STK39: variants seen among roughly 807,000 people sequenced by gnomAD.
STK39 encodes serine/threonine kinase 39.
A neutral mutation model predicts 77.8 loss-of-function variants in STK39; 20 were observed. The observed-to-expected ratio is 0.26, with a 90% CI of 0.18 to 0.37. The LOEUF (loss-of-function observed/expected upper bound fraction) is 0.37. STK39 is among the 10% of genes least tolerant of loss of function. The probability of loss-of-function intolerance (pLI) is 1.00; values close to 1 mark genes in which losing one functional copy is unlikely to be tolerated. For synonymous variants in STK39, 246 were observed against 234.1 expected (o/e 1.05, Z -0.47); for missense variants, 479 against 656.5 (o/e 0.73, Z 2.95).
chr2:168,128,126 A>G (rs1467378810), intron 10 of STK39, among the ~76,000 whole-genome samples: 5 of 152,184 alleles, frequency 3.3e-5, no homozygotes, highest in Non-Finnish European at 7.4e-5. Context: ...AACACCTCTC[A>G]GGGACCAGCT....
At chr2:167,963,353 T>C (rs1332371133) in intron 17 of STK39, among the ~76,000 whole-genome samples, 1 of 152,130 alleles carries the variant, frequency 6.6e-6, no homozygotes, top group East Asian at 1.9e-4. Context: ...TCCTCTTTCA[T>C]AATAAAATGA....
chr2:168,232,856 G>A (rs552847265), intron 1 of STK39, among the ~76,000 whole-genome samples: 9 of 151,948 alleles, frequency 5.9e-5, no homozygotes, highest in African/African-American at 1.9e-4. Flanking sequence ...AGGTTGCAGC[G>A]AGCCGAGATC....
chr2:167,986,722 G>A (rs993267502), intron 16 of STK39, among the ~76,000 whole-genome samples: 1 of 152,156 alleles, frequency 6.6e-6, no homozygotes, highest in African/African-American at 2.4e-5. Context: ...GACAAGAAAG[G>A]AACACCGTGA....
At chr2:168,016,116 T>C (rs1684397294) in intron 15 of STK39, among the ~76,000 whole-genome samples, 1 of 152,024 alleles carries the variant, frequency 6.6e-6, no homozygotes, top group Admixed American at 6.6e-5. Flanking sequence ...TTAGTAGATA[T>C]GGGGTTTCAC....
intron 14 of STK39, among the ~76,000 whole-genome samples, chr2:168,026,197 G>A (rs571842570): frequency 1.3e-5 from 2 of 152,260 alleles, no homozygotes; most frequent in Non-Finnish European, 2.9e-5. Context: ...AAACTACAGG[G>A]AAAAACAATG....
At chr2:168,048,742 G>A (rs1685317000) in intron 14 of STK39, among the ~76,000 whole-genome samples, 1 of 152,058 alleles carries the variant, frequency 6.6e-6, no homozygotes, top group African/African-American at 2.4e-5. Flanking sequence ...AGGTTCTCTA[G>A]CTACCTTCTG....
chr2:168,164,268 T>C (rs887660854), intron 3 of STK39, among the ~76,000 whole-genome samples: 1 of 152,096 alleles, frequency 6.6e-6, no homozygotes, highest in Non-Finnish European at 1.5e-5. Context: ...AGAAGTGAAC[T>C]GCTGAGAGAA....
chr2:168,046,729 A>G lies in STK39; in HGVS notation c.1376+16771T>C, dbSNP rs550975684. On this transcript the variant is annotated intron_variant, in intron 14 of 17. Transcript: ENST00000355999. ...GGCAACCAAGAGGAAAAAGCAACCC[A>G]AAAAGGGGAGAAAGGGTAACTGTGT... Among the ~76,000 whole-genome samples the G allele has an allele frequency of 3.3e-5, 5 of 152,368 alleles. No individual in the cohort carries two copies. The South Asian group carries it at 1.0e-3, about 32-fold the overall frequency.
intron 1 of STK39, among the ~76,000 whole-genome samples, chr2:168,219,507 A>G (rs999160202): frequency 2.0e-5 from 3 of 152,126 alleles, no homozygotes; most frequent in African/African-American, 7.2e-5. Context: ...CTACTAAATC[A>G]TAGAGAGTTG....
At chr2:168,016,127 C>A (rs938869302) in intron 15 of STK39, among the ~76,000 whole-genome samples, 1 of 152,100 alleles carries the variant, frequency 6.6e-6, no homozygotes, top group Non-Finnish European at 1.5e-5. Context: ...GGGGTTTCAC[C>A]ATGTTGGCCA....
In STK39 at chr2:167,998,146, G is replaced by A. The variant is rs183855655; in HGVS notation, c.1498+14488C>T. ...AAAGGAATGACCAGAACTATCAGATGGCTTTACCAATGCATAAACACTCCC... is the reference window on the plus strand; with the variant it reads ...AAAGGAATGACCAGAACTATCAGATAGCTTTACCAATGCATAAACACTCCC... On this transcript the variant is annotated intron_variant, in intron 16 of 17. Coordinates refer to ENST00000355999, the MANE Select transcript of STK39 (RefSeq NM_013233.3). 1.3e-3 allele frequency among the ~76,000 whole-genome samples: 191 copies of A among 152,278 alleles called. 1 individual carries two copies. Among genetic ancestry groups the A allele is most frequent in the African/African-American group, 4.0e-3 (168 of 41,554 alleles).
intron 5 of STK39, among the ~76,000 whole-genome samples, chr2:168,144,709 G>A (rs559431025): frequency 6.6e-6 from 1 of 151,872 alleles, no homozygotes; most frequent in South Asian, 2.1e-4. Context: ...GCTACTCACT[G>A]CCTTTTCATA....
intron 1 of STK39, among the ~76,000 whole-genome samples, chr2:168,233,829 CTTTT>C (rs532924057): frequency 6.6e-6 from 1 of 152,108 alleles, no homozygotes; most frequent in East Asian, 1.9e-4. Context: ...CTAAAATGAT[CTTTT>C]TTAAGATATG....
At chr2:168,231,570 G>T (rs949879211) in intron 1 of STK39, among the ~76,000 whole-genome samples, 1 of 151,704 alleles carries the variant, frequency 6.6e-6, no homozygotes, top group Non-Finnish European at 1.5e-5. Context: ...TAGCTTCACA[G>T]TCAACTCCTC....
intron 14 of STK39, among the ~76,000 whole-genome samples, chr2:168,023,710 T>A (rs767894745): frequency 2.0e-4 from 30 of 152,116 alleles, no homozygotes; most frequent in Non-Finnish European, 1.5e-5. Context: ...AGACCACTCA[T>A]TGTCAAAGAG....
intron 5 of STK39, among the ~76,000 whole-genome samples, chr2:168,152,453 A>C (rs1688313900): frequency 6.6e-6 from 1 of 152,210 alleles, no homozygotes; most frequent in Non-Finnish European, 1.5e-5. Context: ...ACATCTTGTC[A>C]ATCTTCCTTA....
At chr2:168,036,422 G>C (rs938280289) in intron 14 of STK39, among the ~76,000 whole-genome samples, 1 of 143,504 alleles carries the variant, frequency 7.0e-6, no homozygotes, top group Non-Finnish European at 1.5e-5. Context: ...ACTGCTGCCT[G>C]GCATCACATA....
intron 16 of STK39, among the ~76,000 whole-genome samples, chr2:167,978,186 C>T (rs1212806417): frequency 6.6e-6 from 1 of 152,152 alleles, no homozygotes; most frequent in Non-Finnish European, 1.5e-5. Context: ...AGACTCTTGG[C>T]AGACAGAGGC....
chr2:167,960,918 G>T (rs1691938428), intron 17 of STK39, among the ~76,000 whole-genome samples: 1 of 152,164 alleles, frequency 6.6e-6, no homozygotes, highest in South Asian at 2.1e-4. Context: ...GGATGCCTGT[G>T]TCCCAGCCCC....
Sources: gnomAD v4.1 joint callset for allele counts (sites outside exome capture counted in the v4.1 genomes callset) on GRCh38, gnomAD v4.1.1 for gene constraint, MANE v1.5 for transcripts, NCBI Gene and HGNC (gene_info 2026-07-23, HGNC 2026-07-21) for gene names.